Variants in WDFY3 observed in about 807,000 individuals in gnomAD.
WDFY3 encodes WD repeat and FYVE domain containing 3.
Under a neutral mutation model 409.6 loss-of-function variants are expected in WDFY3, and 66 were observed. That is an observed-to-expected ratio of 0.16 (90% confidence interval 0.13 to 0.20). WDFY3 has a LOEUF of 0.20. Among genes scored for constraint, WDFY3 ranks in the 10% least tolerant of loss-of-function variants. The pLI, the probability that WDFY3 is intolerant of heterozygous loss-of-function variation, is 1.00. For missense variants in WDFY3, 3,031 were observed against 4,298.1 expected, an observed-to-expected ratio of 0.71 and a Z score of 8.24; for synonymous variants, 1,521 against 1,537.1, an observed-to-expected ratio of 0.99 and a Z score of 0.25.
intron 3 of WDFY3, among the ~76,000 whole-genome samples, chr4:84,867,986 T>C (rs953872513): frequency 6.6e-6 from 1 of 151,698 alleles, no homozygotes; most frequent in African/African-American, 2.4e-5. Flanking sequence ...CTGGCCAACA[T>C]GGTGAAACCC....
At chr4:84,793,581 T>C (rs1017174971) in intron 21 of WDFY3, among the ~76,000 whole-genome samples, 42 of 152,274 alleles carry the variant, frequency 2.8e-4, no homozygotes, top group Middle Eastern at 6.8e-3. Flanking sequence ...GAGAAAGCGA[T>C]TGAAGGAAAT....
intron 25 of WDFY3, among the ~76,000 whole-genome samples, chr4:84,780,806 T>C (rs901294994): frequency 2.6e-5 from 4 of 151,622 alleles, no homozygotes; most frequent in Non-Finnish European, 4.4e-5. Flanking sequence ...ATAAAATTCT[T>C]TGAAAAGGAA....
intron 3 of WDFY3, among the ~76,000 whole-genome samples, chr4:84,885,252 G>A (rs985435927): frequency 6.6e-6 from 1 of 151,542 alleles, no homozygotes; most frequent in Admixed American, 6.6e-5. Context: ...TGATTCACCC[G>A]CCTTGGCCTC....
intron 1 of WDFY3, among the ~76,000 whole-genome samples, chr4:84,953,265 T>C (rs1182549256): frequency 6.6e-6 from 1 of 150,732 alleles, no homozygotes; most frequent in Non-Finnish European, 1.5e-5. Context: ...AGACAGAGAA[T>C]AAAACTAGTT....
At chr4:84,923,073 A>G (rs1337599613) in intron 2 of WDFY3, among the ~76,000 whole-genome samples, 1 of 152,350 alleles carries the variant, frequency 6.6e-6, no homozygotes, top group East Asian at 1.9e-4. Context: ...GGACAAAATC[A>G]TCATAGTCTT....
Position 84,692,902 on chromosome 4 carries a change from G to A in WDFY3, c.9032C>T (p.Ser3011Phe), listed in dbSNP as rs746237041. ...TATTTTACCTTTTACAGGTGTTAGA[G>A]AAGGCCTCAAGTTGTCTAGATGATG... ...FFHHLDNLRP[S>F]LTPVKELKEP... The change falls in exon 59 of 68, where the codon TCT becomes TTT. Residue 3011 changes from serine (S) to phenylalanine (F), a missense_variant. Physicochemically the swap from Ser to Phe is radical, Grantham distance 155. Transcript: ENST00000295888. The A allele has an allele frequency of 1.2e-6, 2 of 1,608,444 alleles. No individual in the cohort carries two copies. The highest frequency in any genetic ancestry group is 1.7e-6 in the Non-Finnish European group (2 of 1,178,864).
At chr4:84,776,541 A>G (rs1745575757) in intron 27 of WDFY3, among the ~76,000 whole-genome samples, 1 of 152,068 alleles carries the variant, frequency 6.6e-6, no homozygotes, top group South Asian at 2.1e-4. Context: ...AGGTGAAAAC[A>G]AGGTTAGGCT....
intron 25 of WDFY3, among the ~76,000 whole-genome samples, chr4:84,781,455 A>G (rs1746510837): frequency 1.3e-5 from 2 of 148,832 alleles, no homozygotes; most frequent in East Asian, 2.0e-4. Flanking sequence ...CAGTGGCTCA[A>G]TCACAGCTCA....
intron 3 of WDFY3, among the ~76,000 whole-genome samples, chr4:84,874,346 G>A (rs1040098928): frequency 5.9e-5 from 9 of 151,936 alleles, no homozygotes; most frequent in Non-Finnish European, 1.2e-4. Flanking sequence ...CCAGGAGGCG[G>A]AGGTTGCAGT....
At chr4:84,737,474 A>C (rs1737646414) in intron 40 of WDFY3, 108 bp from the exon 41 acceptor site, 1 of 1,276,914 alleles carries the variant, frequency 7.8e-7, no homozygotes. Context: ...TTTCGACTAC[A>C]GTATTTAATG....
intron 21 of WDFY3, 75 bp from the exon 22 acceptor site, chr4:84,789,982 C>T: frequency 6.9e-7 from 1 of 1,445,756 alleles, no homozygotes; most frequent in Non-Finnish European, 9.5e-7. Flanking sequence ...TCTAGATCAG[C>T]ATGTTTTGAC....
intron 2 of WDFY3, among the ~76,000 whole-genome samples, chr4:84,897,701 G>A (rs539038874): frequency 6.6e-6 from 1 of 152,274 alleles, no homozygotes; most frequent in Non-Finnish European, 1.5e-5. Context: ...TAACCAGAGT[G>A]TTCCTAACGC....
At chr4:84,928,931 C>A (rs191299538) in intron 2 of WDFY3, among the ~76,000 whole-genome samples, 1 of 152,246 alleles carries the variant, frequency 6.6e-6, no homozygotes, top group East Asian at 1.9e-4. Context: ...TCCCAATGAC[C>A]CTACCTCCTG....
chr4:84,859,182 T>C (rs146405602), intron 4 of WDFY3, among the ~76,000 whole-genome samples: 1 of 152,086 alleles, frequency 6.6e-6, no homozygotes, highest in Admixed American at 6.5e-5. Context: ...TCTATAATAA[T>C]GGAAAAATAA....
In WDFY3 at chr4:84,836,337, T is replaced by C. The variant is rs182339215; in HGVS notation, c.576+592A>G. ...GATTATATTCTATATGTTTGTTTGC[T>C]TGTTTTGACAATTTTCTGCCAAGAA... On this transcript the variant is annotated intron_variant, in intron 7 of 67. Transcript: ENST00000295888. Among the ~76,000 whole-genome samples, 352 of 152,324 alleles carry C rather than the reference T, an allele frequency of 2.3e-3. 3 individuals carry two copies. Among genetic ancestry groups the C allele is most frequent in the African/African-American group, 7.8e-3 (326 of 41,566 alleles).
rs1475482158 is a variant in WDFY3 at position 84,672,216 on chromosome 4, T to G, written c.*652A>C. The G allele has an allele frequency of 6.6e-6, 1 of 152,188 alleles. No individual in the cohort carries two copies. The highest frequency in any genetic ancestry group is 1.5e-5 in the Non-Finnish European group (1 of 68,034). The allele number at this position is 152,188 out of a possible 1,614,324, so 9.4% of individuals were successfully genotyped here. A position where few individuals can be genotyped will look rare whatever the true frequency, so the allele number is the denominator to read the frequency against. Reference sequence around the variant, plus strand: ...ACTAGCCTAGTTTAAGTGGAGATACTGTGGGCAACTTGAAAGAAATGACAT... The same window carrying G: ...ACTAGCCTAGTTTAAGTGGAGATACGGTGGGCAACTTGAAAGAAATGACAT... On this transcript the variant is annotated 3_prime_UTR_variant, in exon 68 of 68. Transcript: ENST00000295888.
chr4:84,830,512 C>T (rs956569098), intron 8 of WDFY3, among the ~76,000 whole-genome samples: 1 of 152,184 alleles, frequency 6.6e-6, no homozygotes, highest in African/African-American at 2.4e-5. Context: ...ACACTATTTT[C>T]AAATTATGAT....
chr4:84,713,381 A>G (rs1262421661), intron 50 of WDFY3, 142 bp from the exon 51 acceptor site: 1 of 673,874 alleles, frequency 1.5e-6, no homozygotes, highest in African/African-American at 1.8e-5. Flanking sequence ...CAAAAGGAAT[A>G]TATAAATTTT....
At position 84,691,752 on chromosome 4, in the gene WDFY3, G is replaced by A. The variant is rs1202089182; in HGVS notation, c.9083C>T (p.Thr3028Ile). ...TTCCACCGCAAGAATACCTTTATCTGTACATACGATTTGTCCTACAGGTTC... is the reference window on the plus strand; with the variant it reads ...TTCCACCGCAAGAATACCTTTATCTATACATACGATTTGTCCTACAGGTTC... ...LKEPVGQIVC[T>I]DKGILAVEQN... Residue 3028 changes from threonine (T) to isoleucine (I), a missense_variant, in exon 60 of 68, where the codon ACA (threonine) becomes ATA (isoleucine). Coordinates refer to ENST00000295888, the MANE Select transcript of WDFY3 (RefSeq NM_014991.6). 1.9e-6 allele frequency: 3 copies of A among 1,613,610 alleles called. No homozygotes were observed. Among genetic ancestry groups the A allele is most frequent in the Non-Finnish European group, 2.5e-6 (3 of 1,179,736 alleles).
Sources: gnomAD v4.1 joint callset for allele counts (sites outside exome capture counted in the v4.1 genomes callset) on GRCh38, gnomAD v4.1.1 for gene constraint, MANE v1.5 for transcripts, NCBI Gene and HGNC (gene_info 2026-07-23, HGNC 2026-07-21) for gene names.